Variants in BRDT observed in about 807,000 individuals in gnomAD.
BRDT encodes bromodomain testis associated.
A neutral mutation model predicts 113.9 loss-of-function variants in BRDT; 77 were observed. The observed-to-expected ratio is 0.68, with a 90% CI of 0.56 to 0.82. The LOEUF is 0.82. Among genes scored for constraint, BRDT ranks in the 40% least tolerant of loss-of-function variants. The probability of loss-of-function intolerance (pLI) is 0.00; values close to 1 mark genes in which losing one functional copy is unlikely to be tolerated. For missense variants in BRDT, 1,027 were observed against 1,105.4 expected (o/e 0.93, Z 1.01); for synonymous variants, 358 against 366.5 (o/e 0.98, Z 0.26).
At chr1:91,979,995 T>C (rs1337196211) in intron 8 of BRDT, among the ~76,000 whole-genome samples, 1 of 152,216 alleles carries the variant, frequency 6.6e-6, no homozygotes, top group African/African-American at 2.4e-5. Context: ...TTGATTCTCA[T>C]TGAAATGATT....
chr1:91,981,113 C>G lies in BRDT; in HGVS notation c.1685C>G (p.Ser562Ter). The G allele has an allele frequency of 6.2e-7, 1 of 1,613,892 alleles. No individual in the cohort carries two copies. Residue 562 changes from serine (S) to a stop codon, truncating the protein, a stop_gained, in exon 10 of 19, where the codon TCA (serine) becomes TGA (stop). Coordinates refer to ENST00000399546, the MANE Select transcript of BRDT (RefSeq NM_207189.4). LOFTEE classifies it high-confidence loss of function. ...ATAGACTTTGAAACACTGAAAGCAT[C>G]AACACTAAGAGAATTAGAAAAATAT... ...IEIDFETLKASTLRELEKYVS... is the reference protein window; with the variant it reads ...IEIDFETLKA
chr1:91,966,609 G>A (rs1447060528), intron 3 of BRDT, among the ~76,000 whole-genome samples: 1 of 152,144 alleles, frequency 6.6e-6, no homozygotes, highest in Non-Finnish European at 1.5e-5. Flanking sequence ...GGTCCTTTCA[G>A]ATGTAATATT....
chr1:91,994,712 C>T (rs1686113739), intron 15 of BRDT, among the ~76,000 whole-genome samples: 1 of 150,746 alleles, frequency 6.6e-6, no homozygotes, highest in Admixed American at 6.6e-5. Context: ...ACTAAAAATA[C>T]AAAAAATTAG....
intron 12 of BRDT, among the ~76,000 whole-genome samples, chr1:91,989,173 T>C (rs1685546543): frequency 6.6e-6 from 1 of 151,614 alleles, no homozygotes. Flanking sequence ...CTTGAATTTT[T>C]TTTTTTTAGT....
chr1:91,962,007 T>C (rs1682505925), intron 1 of BRDT, among the ~76,000 whole-genome samples: 2 of 150,914 alleles, frequency 1.3e-5, no homozygotes, highest in African/African-American at 4.9e-5. Context: ...TAGCCGGGCG[T>C]AGTGGAGGGC....
chr1:92,014,043 T>C (rs1688018390), intron 18 of BRDT, among the ~76,000 whole-genome samples, 163 bp from the exon 19 acceptor site: 1 of 152,198 alleles, frequency 6.6e-6, no homozygotes, highest in Admixed American at 6.5e-5. Flanking sequence ...GAAATAATTA[T>C]GTACAAATTT....
At chr1:91,964,502 G>T in intron 2 of BRDT, 125 bp from the exon 3 acceptor site, 1 of 611,456 alleles carries the variant, frequency 1.6e-6, no homozygotes, top group Non-Finnish European at 2.5e-6. Context: ...GCCAGAATAT[G>T]GCTTTTTAAA....
Position 91,966,481 on chromosome 1 carries a change from C to T in BRDT, c.331-1665C>T, listed in dbSNP as rs1281438796. Among the ~76,000 whole-genome samples the T allele has an allele frequency of 3.9e-5, 6 of 152,160 alleles. 1 individual carries two copies. Among genetic ancestry groups the T allele is most frequent in the Admixed American group, 3.3e-4 (5 of 15,274 alleles). ...TCCTGGGCTCAAGTGATACTCCCACCTCACCCTCCTAAGTAGCTGGGATTA... is the reference window on the plus strand; with the variant it reads ...TCCTGGGCTCAAGTGATACTCCCACTTCACCCTCCTAAGTAGCTGGGATTA... On this transcript the variant is annotated intron_variant, in intron 3 of 18. Coordinates refer to ENST00000399546, the MANE Select transcript of BRDT (RefSeq NM_207189.4).
chr1:91,968,051 T>G, intron 3 of BRDT, 95 bp from the exon 4 acceptor site: 1 of 1,254,704 alleles, frequency 8.0e-7, no homozygotes, highest in South Asian at 1.5e-5. Flanking sequence ...CTAGGAGTAC[T>G]ATGTTACTGC....
At chr1:91,974,446 A>G (rs1172968385) in intron 4 of BRDT, among the ~76,000 whole-genome samples, 2 of 152,228 alleles carry the variant, frequency 1.3e-5, no homozygotes, top group Non-Finnish European at 2.9e-5. Context: ...CAAGAAAAAA[A>G]CAACCCCATC....
Position 91,964,463 on chromosome 1 carries a change from G to A in BRDT, c.193-164G>A, listed in dbSNP as rs562389346. On this transcript the variant is annotated intron_variant, in intron 2 of 18. Coordinates refer to ENST00000399546, the MANE Select transcript of BRDT (RefSeq NM_207189.4). ...CTCCTGCCTTGGCCTCCCGAAGTGCGGGACTACAGGCGTGAGCCACTGTGC... is the reference window on the plus strand; with the variant it reads ...CTCCTGCCTTGGCCTCCCGAAGTGCAGGACTACAGGCGTGAGCCACTGTGC... 7.2e-5 allele frequency among the ~76,000 whole-genome samples: 11 copies of A among 152,232 alleles called. No individual in the cohort carries two copies. In the South Asian group the frequency reaches 1.7e-3, roughly 23 times the overall value.
intron 3 of BRDT, among the ~76,000 whole-genome samples, chr1:91,967,820 A>C (rs540658976): frequency 1.3e-5 from 2 of 152,320 alleles, no homozygotes; most frequent in African/African-American, 4.8e-5. Flanking sequence ...GGCGTGAGCC[A>C]CCATGCCTGG....
intron 12 of BRDT, among the ~76,000 whole-genome samples, chr1:91,988,439 C>A (rs926401992): frequency 6.6e-6 from 1 of 152,054 alleles, no homozygotes; most frequent in Non-Finnish European, 1.5e-5. Context: ...CTTGCTCTGT[C>A]ATCCAGGCTG....
In BRDT at chr1:91,977,368, A is replaced by C. The variant is rs1684254587; in HGVS notation, c.944A>C (p.Asn315Thr). ...CATAACTACTATGACGTTGTCAAAA[A>C]TCCGATGGATCTTGGAACTATTAAG... ...GLHNYYDVVKNPMDLGTIKEK... is the reference protein window; with the variant it reads ...GLHNYYDVVKTPMDLGTIKEK... Residue 315 changes from asparagine to threonine, a missense_variant, in exon 6 of 19, where the codon AAT (asparagine) becomes ACT (threonine). Transcript: ENST00000399546. 40 of 1,591,234 alleles carry C rather than the reference A, an allele frequency of 2.5e-5. No homozygotes were observed. The highest frequency in any genetic ancestry group is 3.4e-5 in the Non-Finnish European group (40 of 1,170,568).
Position 91,964,674 on chromosome 1 carries a change from G to A in BRDT, c.240G>A (p.Lys80=). The change falls in exon 3 of 19, where the codon AAG becomes AAA. Residue 80 remains lysine, a synonymous_variant. Transcript: ENST00000399546. ...IKNPMDLNTI[K]KRLENKYYAK... ...ACCCAATGGATTTAAATACAATTAA[G>A]AAGCGCTTGGAGAATAAATATTATG... 2 of 1,502,644 alleles carry A rather than the reference G, an allele frequency of 1.3e-6. No homozygotes were observed. Among genetic ancestry groups the A allele is most frequent in the Non-Finnish European group, 1.8e-6 (2 of 1,094,200 alleles). The allele number at this position is 1,502,644 out of a possible 1,614,324, so 93.1% of individuals were successfully genotyped here. A position where few individuals can be genotyped will look rare whatever the true frequency, so the allele number is the denominator to read the frequency against.
intron 4 of BRDT, among the ~76,000 whole-genome samples, chr1:91,972,724 A>G (rs1016789119): frequency 3.3e-5 from 5 of 152,206 alleles, no homozygotes; most frequent in African/African-American, 1.2e-4. Context: ...CACTATGCAT[A>G]TCTAATTAGC....
chr1:91,977,734 T>C (rs958812965), intron 6 of BRDT, among the ~76,000 whole-genome samples: 10 of 144,550 alleles, frequency 6.9e-5, no homozygotes, highest in African/African-American at 1.0e-4. Context: ...CTGGGAATGG[T>C]GGTGCATGCC....
chr1:91,965,273 T>C (rs936410053), intron 3 of BRDT, among the ~76,000 whole-genome samples: 1 of 152,150 alleles, frequency 6.6e-6, no homozygotes, highest in Admixed American at 6.6e-5. Flanking sequence ...AATTTTCACA[T>C]ACCAATACTT....
intron 7 of BRDT, 54 bp downstream of exon 7, chr1:91,978,350 GT>G: frequency 1.3e-6 from 2 of 1,586,874 alleles, no homozygotes; most frequent in South Asian, 1.1e-5. Context: ...TAGTTGAAAC[GT>G]TTTTTAGAAC....
Sources: allele counts gnomAD v4.1 joint callset (sites outside exome capture counted in the v4.1 genomes callset), GRCh38; gene constraint gnomAD v4.1.1; transcripts MANE v1.5; gene names NCBI Gene and HGNC (gene_info 2026-07-23, HGNC 2026-07-21).